The following PPHLN1 variants were observed in gnomAD, a reference collection of about 807,000 sequenced individuals.
The protein encoded by PPHLN1 is periphilin-1.
Under a neutral mutation model 51.3 loss-of-function variants are expected in PPHLN1, and 29 were observed. That is an observed-to-expected ratio of 0.57 (90% CI 0.42 to 0.77). The LOEUF (loss-of-function observed/expected upper bound fraction) is 0.77. Ranked by LOEUF, PPHLN1 falls within the 30% of genes least tolerant of loss-of-function variation. The probability of loss-of-function intolerance (pLI) is 0.00; values close to 1 mark genes in which losing one functional copy is unlikely to be tolerated. For synonymous variants in PPHLN1, 147 were observed against 147.8 expected, an observed-to-expected ratio of 0.99 and a Z score of 0.04; for missense variants, 436 against 438.4, an observed-to-expected ratio of 0.99 and a Z score of 0.05.
Position 42,442,137 on chromosome 12 carries a change from A to C in PPHLN1, c.*628A>C. 1 of 229,262 alleles carries C rather than the reference A, an allele frequency of 4.4e-6. No individual in the cohort carries two copies. The highest frequency in any genetic ancestry group is 7.2e-6 in the Non-Finnish European group (1 of 138,388). The allele number at this position is 229,262 out of a possible 1,614,324, so 14.2% of individuals were successfully genotyped here. ...ATGAGTCTTAAATAATATCATATAC[A>C]AGACTAATAAATAGAAGATGCAGTT... On this transcript the variant is annotated 3_prime_UTR_variant, in exon 10 of 10. Transcript: ENST00000358314.
At chr12:42,382,482 T>A (rs1358531524) in intron 5 of PPHLN1, among the ~76,000 whole-genome samples, 1 of 152,184 alleles carries the variant, frequency 6.6e-6, no homozygotes, top group African/African-American at 2.4e-5. Context: ...TCAACCTTTT[T>A]ACCTTGCTCT....
chr12:42,405,542 CGTT>C (rs2079212991), intron 9 of PPHLN1, among the ~76,000 whole-genome samples: 1 of 152,114 alleles, frequency 6.6e-6, no homozygotes, highest in South Asian at 2.1e-4. Flanking sequence ...TGTTATCTTT[CGTT>C]GTTTTTCTTT....
intron 1 of PPHLN1, among the ~76,000 whole-genome samples, chr12:42,327,377 C>T (rs2068960625): frequency 6.6e-6 from 1 of 152,200 alleles, no homozygotes; most frequent in Admixed American, 6.5e-5. Flanking sequence ...CAGTTGAGCC[C>T]TTTCTCTGAC....
Position 42,390,768 on chromosome 12 carries a change from T to G in PPHLN1, c.649-2802T>G, listed in dbSNP as rs530356407. 2.0e-5 allele frequency among the ~76,000 whole-genome samples: 3 copies of G among 151,780 alleles called. No homozygotes were observed. The South Asian group carries it at 6.3e-4, about 32-fold the overall frequency. ...AACGTGGCCCAGGGAAGCCAAAGATTGGATGCCCCTGATGTAAATGTTTGC... is the reference window on the plus strand; with the variant it reads ...AACGTGGCCCAGGGAAGCCAAAGATGGGATGCCCCTGATGTAAATGTTTGC... On this transcript the variant is annotated intron_variant, in intron 7 of 9. Coordinates refer to ENST00000358314, the MANE Select transcript of PPHLN1 (RefSeq NM_201439.2).
chr12:42,432,389 A>G, intron 9 of PPHLN1: 1 of 753,238 alleles, frequency 1.3e-6, no homozygotes, highest in Non-Finnish European at 2.5e-6. Flanking sequence ...CTCTAAAAGA[A>G]CTTGCACATT....
chr12:42,337,736 C>T (rs1184068828), intron 2 of PPHLN1, among the ~76,000 whole-genome samples: 1 of 136,606 alleles, frequency 7.3e-6, no homozygotes, highest in East Asian at 2.2e-4. Flanking sequence ...GATTGCATGC[C>T]ACCATACCTG....
chr12:42,355,089 A>G lies in PPHLN1; in HGVS notation c.238-72A>G. 6.6e-6 allele frequency: 9 copies of G among 1,353,926 alleles called. 1 individual carries two copies. Among genetic ancestry groups the G allele is most frequent in the Non-Finnish European group, 9.5e-6 (9 of 947,558 alleles). The allele number at this position is 1,353,926 out of a possible 1,614,324, so 83.9% of individuals were successfully genotyped here. Reference sequence around the variant, plus strand: ...AGGGAAATTCGGTCTAGTTTCTGGTAGTATTGTTAGATATGTCCCACTTGT... The same window carrying G: ...AGGGAAATTCGGTCTAGTTTCTGGTGGTATTGTTAGATATGTCCCACTTGT... On this transcript the variant is annotated intron_variant, in intron 3 of 9. Transcript: ENST00000358314.
chr12:42,334,486 A>T (rs1178204999), intron 1 of PPHLN1, among the ~76,000 whole-genome samples: 1 of 152,100 alleles, frequency 6.6e-6, no homozygotes, highest in Non-Finnish European at 1.5e-5. Context: ...CCAGCCTTTA[A>T]TTTTTCCTTA....
At chr12:42,347,759 C>T (rs1278736247) in intron 2 of PPHLN1, among the ~76,000 whole-genome samples, 3 of 152,210 alleles carry the variant, frequency 2.0e-5, no homozygotes, top group South Asian at 2.1e-4. Context: ...TAGCCTGTGC[C>T]GCAGAGTGAG....
intron 9 of PPHLN1, chr12:42,400,159 G>GT (rs1334465458): frequency 2.0e-5 from 3 of 152,014 alleles, no homozygotes; most frequent in Non-Finnish European, 2.9e-5. Flanking sequence ...AGAACAGTAT[G>GT]TGTAGCAGGC....
At position 42,374,607 on chromosome 12, in the gene PPHLN1, ATTT is replaced by A. The variant is rs35683626; in HGVS notation, c.300-238_300-236del. 2.8e-3 allele frequency: 452 copies of A among 160,050 alleles called. 1 individual carries two copies. The highest frequency in any genetic ancestry group is 8.8e-3 in the African/African-American group (297 of 33,782). 9.9% of individuals were successfully genotyped at this position (160,050 alleles called of 1,614,324 possible). On this transcript the variant is annotated intron_variant, in intron 4 of 9. Transcript: ENST00000358314. The stretch of plus-strand genomic sequence containing the variant: ...AGGCACCTGCCACCACGCCCAGCTA[ATTT>A]TTTTTTTTTTTTTTTTTGTATTTTT...
intron 9 of PPHLN1, among the ~76,000 whole-genome samples, chr12:42,435,169 A>G (rs2082372703): frequency 6.6e-6 from 1 of 152,250 alleles, no homozygotes; most frequent in African/African-American, 2.4e-5. Flanking sequence ...ATAATTAAGG[A>G]TTAATCTTTG....
chr12:42,352,141 T>C, intron 3 of PPHLN1, 92 bp downstream of exon 3: 1 of 1,149,176 alleles, frequency 8.7e-7, no homozygotes, highest in African/African-American at 1.6e-5. Context: ...GTGAAAGCAG[T>C]TGAATAAACA....
intron 4 of PPHLN1, among the ~76,000 whole-genome samples, chr12:42,369,809 C>T (rs1480488376): frequency 2.0e-5 from 3 of 152,190 alleles, no homozygotes; most frequent in Admixed American, 2.0e-4. Flanking sequence ...TCTGTTTCCA[C>T]GTCAACTTTG....
chr12:42,339,016 G>T (rs1318995398), intron 2 of PPHLN1, among the ~76,000 whole-genome samples: 3 of 152,192 alleles, frequency 2.0e-5, no homozygotes, highest in African/African-American at 7.2e-5. Flanking sequence ...CTGTGTTTGT[G>T]TAAATATGAA....
intron 2 of PPHLN1, among the ~76,000 whole-genome samples, chr12:42,341,353 C>A (rs2071469080): frequency 6.6e-6 from 1 of 152,094 alleles, no homozygotes; most frequent in African/African-American, 2.4e-5. Context: ...ATTTGAGGAA[C>A]TACTAGATGT....
chr12:42,373,846 ATC>A (rs1204477503), intron 4 of PPHLN1, among the ~76,000 whole-genome samples: 11 of 152,210 alleles, frequency 7.2e-5, no homozygotes, highest in African/African-American at 2.7e-4. Context: ...ATGGGCAACA[ATC>A]TATGTACTGA....
rs768438178 is a variant in PPHLN1 at position 42,413,524 on chromosome 12, ATATGTGTGTGTG to A, written c.909+14532_909+14543del. Among the ~76,000 whole-genome samples, 1,063 of 119,100 alleles carry A rather than the reference ATATGTGTGTGTG, an allele frequency of 8.9e-3. 10 individuals are homozygous for A. The highest frequency in any genetic ancestry group is 0.013 in the Non-Finnish European group (754 of 55,874). 78.1% of individuals were successfully genotyped at this position (119,100 alleles called of 152,430 possible). A position where few individuals can be genotyped will look rare whatever the true frequency, so the allele number is the denominator to read the frequency against. On this transcript the variant is annotated intron_variant, in intron 9 of 9. Coordinates refer to ENST00000358314, the MANE Select transcript of PPHLN1 (RefSeq NM_201439.2). Reference sequence around the variant, plus strand: ...GCTGTTTTGATAACTATATATATGTATATGTGTGTGTGTGTGTGTGTGTGTGTGTGTGTGTGT... The same window carrying A: ...GCTGTTTTGATAACTATATATATGTATGTGTGTGTGTGTGTGTGTGTGTGT...
intron 2 of PPHLN1, among the ~76,000 whole-genome samples, chr12:42,343,409 T>A (rs1009812341): frequency 1.3e-5 from 2 of 152,192 alleles, no homozygotes; most frequent in African/African-American, 4.8e-5. Context: ...ATAGTGACCA[T>A]CCATATACTC....
Sources: allele counts gnomAD v4.1 joint callset (sites outside exome capture counted in the v4.1 genomes callset), GRCh38; gene constraint gnomAD v4.1.1; transcripts MANE v1.5; gene names NCBI Gene and HGNC (gene_info 2026-07-23, HGNC 2026-07-21).